ZNF143: variants seen among roughly 807,000 people sequenced by gnomAD.
ZNF143 encodes zinc finger protein 143.
In ZNF143, 49 loss-of-function variants were observed where a neutral mutation model predicts 74.1. That is an observed-to-expected ratio of 0.66 (90% CI 0.53 to 0.84). ZNF143 has a LOEUF of 0.84. ZNF143 is among the 40% of genes least tolerant of loss of function. The pLI is 0.00. For missense variants in ZNF143, 637 were observed against 793.4 expected (o/e 0.80, Z 2.37); for synonymous variants, 304 against 282.8 (o/e 1.07, Z -0.75).
chr11:9,497,206 G>T lies in ZNF143; in HGVS notation c.842-469G>T, dbSNP rs577114940. On this transcript the variant is annotated intron_variant, in intron 9 of 15. Coordinates refer to ENST00000396602, the MANE Select transcript of ZNF143 (RefSeq NM_003442.6). Reference sequence around the variant, plus strand: ...AAACTATTGAATTTTCAGCATGGCAGTCCCGAGCTATGATACTTTTGTACA... The same window carrying T: ...AAACTATTGAATTTTCAGCATGGCATTCCCGAGCTATGATACTTTTGTACA... Among the ~76,000 whole-genome samples the T allele has an allele frequency of 2.3e-3, 349 of 152,290 alleles. 7 individuals carry two copies. The highest frequency in any genetic ancestry group is 7.8e-3 in the African/African-American group (325 of 41,558).
In ZNF143 at chr11:9,471,314, G is replaced by A; in HGVS notation, c.6G>A (p.Leu2=). The A allele has an allele frequency of 6.2e-7, 1 of 1,606,684 alleles. No individual in the cohort carries two copies. The highest frequency in any genetic ancestry group is 8.5e-7 in the Non-Finnish European group (1 of 1,177,888). The change falls in exon 2 of 16, where the codon TTG becomes TTA. Residue 2 remains leucine (L), a synonymous_variant. Coordinates refer to ENST00000396602, the MANE Select transcript of ZNF143 (RefSeq NM_003442.6). M[L]LAQINRDSQG... is the part of the protein sequence containing the mutation. ...ATTTTTCTTCAAGGTAGAAGATGTT[G>A]TTAGCCCAAATAAATCGAGATTCTC...
chr11:9,482,586 C>CT (rs1240859225), intron 7 of ZNF143, among the ~76,000 whole-genome samples: 3 of 151,476 alleles, frequency 2.0e-5, no homozygotes, highest in African/African-American at 7.3e-5. Flanking sequence ...TCCCATTACT[C>CT]TTTATCTGTA....
chr11:9,524,376 G>T (rs931881809), intron 14 of ZNF143, among the ~76,000 whole-genome samples: 4 of 152,162 alleles, frequency 2.6e-5, no homozygotes, highest in African/African-American at 9.7e-5. Flanking sequence ...TTATCTGCAG[G>T]AAGGTTAGCC....
At chr11:9,475,872 TGG>T (rs1856846587) in intron 5 of ZNF143, among the ~76,000 whole-genome samples, 1 of 150,830 alleles carries the variant, frequency 6.6e-6, no homozygotes, top group Non-Finnish European at 1.5e-5. Context: ...CACTCCAGCC[TGG>T]GCAACAGAGT....
At chr11:9,509,892 G>A (rs1162001994) in intron 12 of ZNF143, among the ~76,000 whole-genome samples, 2 of 151,534 alleles carry the variant, frequency 1.3e-5, no homozygotes, top group Non-Finnish European at 1.5e-5. Context: ...AATAAGTTCT[G>A]GAGATCTGCA....
intron 13 of ZNF143, among the ~76,000 whole-genome samples, chr11:9,513,131 A>T (rs1020565038): frequency 1.3e-5 from 2 of 152,218 alleles, no homozygotes; most frequent in African/African-American, 4.8e-5. Context: ...AGATGTCACT[A>T]GCCTAAAATT....
At chr11:9,512,740 A>G (rs978134730) in intron 13 of ZNF143, 144 bp downstream of exon 13, 2 of 866,010 alleles carry the variant, frequency 2.3e-6, no homozygotes, top group South Asian at 1.7e-5. Flanking sequence ...GTCTGCTTAC[A>G]GAGACTACGT....
At chr11:9,479,385 G>C in intron 6 of ZNF143, 87 bp from the exon 7 acceptor site, 1 of 916,730 alleles carries the variant, frequency 1.1e-6, no homozygotes, top group Non-Finnish European at 1.6e-6. Flanking sequence ...CTTTTTTTTT[G>C]CAAGCTTCTC....
intron 9 of ZNF143, 138 bp downstream of exon 9, chr11:9,496,516 G>T: frequency 1.4e-6 from 1 of 702,930 alleles, no homozygotes. Flanking sequence ...TCTCATAACT[G>T]CCTTTCGTCC....
At chr11:9,478,982 AAAT>A (rs1424388164) in intron 6 of ZNF143, among the ~76,000 whole-genome samples, 2 of 152,186 alleles carry the variant, frequency 1.3e-5, no homozygotes, top group Admixed American at 1.3e-4. Flanking sequence ...GCTATAAAAG[AAAT>A]AATAAAGTGT....
intron 6 of ZNF143, among the ~76,000 whole-genome samples, chr11:9,479,041 AAAAGT>A (rs1847135263): frequency 6.6e-6 from 1 of 151,778 alleles, no homozygotes; most frequent in African/African-American, 2.4e-5. Flanking sequence ...ATAGATTAGG[AAAAGT>A]AAAGTCTCAA....
rs1292567769 is a variant in ZNF143, at chr11:9,473,922, C to G, written c.206-19C>G. The G allele has an allele frequency of 6.2e-7, 1 of 1,613,544 alleles. No homozygotes were observed. Among genetic ancestry groups the G allele is most frequent in the Admixed American group, 1.7e-5 (1 of 59,990 alleles). ...ATTTTTGTTTGTGCCAATTTATTGT[C>G]TTGAATCTTTTGTTATAGATGCAAA... On this transcript the variant is annotated intron_variant, in intron 3 of 15. Transcript: ENST00000396602.
chr11:9,469,190 T>C (rs1418984451), intron 1 of ZNF143, among the ~76,000 whole-genome samples: 1 of 149,496 alleles, frequency 6.7e-6, no homozygotes, highest in Non-Finnish European at 1.5e-5. Flanking sequence ...AATTAGCCTA[T>C]GCTAATTTTA....
rs552861313 is a variant in ZNF143 at position 9,504,677 on chromosome 11, T to C, written c.1147+3407T>C. ...AAAGACATTTTTTTCTTTTTTCTTT[T>C]TTTTTTTTTTTTTTTGAGACAGCGT... On this transcript the variant is annotated intron_variant, in intron 11 of 15. Coordinates refer to ENST00000396602, the MANE Select transcript of ZNF143 (RefSeq NM_003442.6). Among the ~76,000 whole-genome samples the C allele has an allele frequency of 1.3e-4, 14 of 104,734 alleles. 1 individual carries two copies. Among genetic ancestry groups the C allele is most frequent in the East Asian group, 1.2e-3 (5 of 4,132 alleles). The allele number at this position is 104,734 out of a possible 152,430, so 68.7% of individuals were successfully genotyped here.
At chr11:9,473,708 T>G (rs759712546) in intron 3 of ZNF143, 30 of 1,361,794 alleles carry the variant, frequency 2.2e-5, no homozygotes, top group Non-Finnish European at 2.6e-5. Context: ...ACTCTTCCTC[T>G]TGACCTCATC....
chr11:9,525,009 A>G (rs1435367697), intron 14 of ZNF143, among the ~76,000 whole-genome samples: 2 of 152,118 alleles, frequency 1.3e-5, no homozygotes, highest in Non-Finnish European at 2.9e-5. Flanking sequence ...TAGCAGATCC[A>G]TTTCTCCAGT....
chr11:9,501,729 A>G (rs561437114), intron 11 of ZNF143, among the ~76,000 whole-genome samples: 118 of 152,174 alleles, frequency 7.8e-4, no homozygotes, highest in Non-Finnish European at 1.3e-3. Flanking sequence ...TCATGGGGAA[A>G]GGCACAAAGG....
chr11:9,515,059 C>T lies in ZNF143; in HGVS notation c.1525-1142C>T, dbSNP rs572300198. 4.5e-4 allele frequency among the ~76,000 whole-genome samples: 69 copies of T among 152,006 alleles called. 1 individual carries two copies. Among genetic ancestry groups the T allele is most frequent in the African/African-American group, 1.6e-3 (66 of 41,446 alleles). ...AGGAGAATTGCTTGAATCCAGGAAG[C>T]AGAGGTTGCGGTGAGCCGAGATCAT... On this transcript the variant is annotated intron_variant, in intron 13 of 15. Transcript: ENST00000396602.
chr11:9,464,883 A>C (rs1202842753), intron 1 of ZNF143, among the ~76,000 whole-genome samples: 1 of 152,126 alleles, frequency 6.6e-6, no homozygotes, highest in Non-Finnish European at 1.5e-5. Context: ...AGATCGCGTC[A>C]CTGTATTCCA....
Sources: allele counts gnomAD v4.1 joint callset (sites outside exome capture counted in the v4.1 genomes callset), GRCh38; gene constraint gnomAD v4.1.1; transcripts MANE v1.5; gene names NCBI Gene and HGNC (gene_info 2026-07-23, HGNC 2026-07-21).